ATF6: variants seen among roughly 807,000 people sequenced by gnomAD.
ATF6 encodes activating transcription factor 6.
A neutral mutation model predicts 83.6 loss-of-function variants in ATF6; 53 were observed. The observed-to-expected ratio is 0.63, with a 90% CI of 0.51 to 0.80. ATF6 has a LOEUF of 0.80. ATF6 is among the 30% of genes least tolerant of loss of function. The pLI, the probability that ATF6 is intolerant of heterozygous loss-of-function variation, is 0.00. For missense variants in ATF6, 744 were observed against 797.9 expected, an observed-to-expected ratio of 0.93 and a Z score of 0.81; for synonymous variants, 288 against 285.8, an observed-to-expected ratio of 1.01 and a Z score of -0.08.
intron 15 of ATF6, among the ~76,000 whole-genome samples, chr1:161,915,624 CTTT>C (rs201891219): frequency 6.9e-6 from 1 of 145,792 alleles, no homozygotes; most frequent in Non-Finnish European, 1.5e-5. Flanking sequence ...ATACAAATGT[CTTT>C]TTTTTTTTTT....
At chr1:161,905,863 G>A (rs997764735) in intron 14 of ATF6, among the ~76,000 whole-genome samples, 1 of 151,348 alleles carries the variant, frequency 6.6e-6, no homozygotes, top group Non-Finnish European at 1.5e-5. Flanking sequence ...ACGGAGTTTC[G>A]CCCTGTCGCC....
At chr1:161,882,893 T>G (rs899535393) in intron 14 of ATF6, among the ~76,000 whole-genome samples, 3 of 151,942 alleles carry the variant, frequency 2.0e-5, no homozygotes, top group African/African-American at 7.2e-5. Flanking sequence ...TAATAGGTAT[T>G]CAAGATATGT....
At position 161,961,921 on chromosome 1, in the gene ATF6, C is replaced by T. The variant is rs995508639; in HGVS notation, c.*3267C>T. 2 of 152,088 alleles carry T rather than the reference C, an allele frequency of 1.3e-5. No individual in the cohort carries two copies. The highest frequency in any genetic ancestry group is 6.5e-5 in the Admixed American group (1 of 15,268). 9.4% of individuals were successfully genotyped at this position (152,088 alleles called of 1,614,324 possible). ...TTGTCCCTTTGGGGTTGACTTATGCCCAGCAGTACAGGGACACAGCTTCAT... is the reference window on the plus strand; with the variant it reads ...TTGTCCCTTTGGGGTTGACTTATGCTCAGCAGTACAGGGACACAGCTTCAT... On this transcript the variant is annotated 3_prime_UTR_variant, in exon 16 of 16. Transcript: ENST00000367942.
At position 161,958,840 on chromosome 1, in the gene ATF6, C is replaced by A; in HGVS notation, c.*186C>A. The A allele has an allele frequency of 1.9e-6, 1 of 524,818 alleles. No individual in the cohort carries two copies. The allele number at this position is 524,818 out of a possible 1,614,324, so 32.5% of individuals were successfully genotyped here. A position where few individuals can be genotyped will look rare whatever the true frequency, so the allele number is the denominator to read the frequency against. On this transcript the variant is annotated 3_prime_UTR_variant, in exon 16 of 16. Coordinates refer to ENST00000367942, the MANE Select transcript of ATF6 (RefSeq NM_007348.4). Reference sequence around the variant, plus strand: ...ATCATCTACCCATCTATTTGGAAAGCACTGGAATTCAGATGCAAGAGAACA... The same window carrying A: ...ATCATCTACCCATCTATTTGGAAAGAACTGGAATTCAGATGCAAGAGAACA...
intron 7 of ATF6, among the ~76,000 whole-genome samples, chr1:161,806,791 T>C (rs1179183266): frequency 6.6e-6 from 1 of 152,184 alleles, no homozygotes; most frequent in Non-Finnish European, 1.5e-5. Flanking sequence ...CCTTTGCTAC[T>C]GGTTTGCAGG....
At chr1:161,874,279 A>C (rs1687167753) in intron 14 of ATF6, among the ~76,000 whole-genome samples, 1 of 151,614 alleles carries the variant, frequency 6.6e-6, no homozygotes, top group South Asian at 2.1e-4. Context: ...CTTATGTATA[A>C]GATGCCTGTT....
intron 6 of ATF6, among the ~76,000 whole-genome samples, chr1:161,800,107 AT>A (rs1685108654): frequency 6.6e-6 from 1 of 152,182 alleles, no homozygotes; most frequent in African/African-American, 2.4e-5. Context: ...GGCAAGTAAA[AT>A]TTTTAATAGA....
chr1:161,772,978 T>C (rs2101716084), intron 1 of ATF6, among the ~76,000 whole-genome samples: 1 of 147,430 alleles, frequency 6.8e-6, no homozygotes, highest in Admixed American at 6.8e-5. Flanking sequence ...TTTTTTTTTT[T>C]TTTTTTTGAG....
At chr1:161,942,141 A>G (rs563145251) in intron 15 of ATF6, among the ~76,000 whole-genome samples, 35 of 152,336 alleles carry the variant, frequency 2.3e-4, no homozygotes, top group Non-Finnish European at 4.7e-4. Context: ...TTGTATTAAC[A>G]GTAGAAACAC....
At chr1:161,783,152 A>G (rs1274923977) in intron 3 of ATF6, among the ~76,000 whole-genome samples, 3 of 152,206 alleles carry the variant, frequency 2.0e-5, no homozygotes, top group Non-Finnish European at 4.4e-5. Flanking sequence ...GGCTCCAAGT[A>G]TGAGTGTTCC....
At chr1:161,942,434 G>A (rs1688665486) in intron 15 of ATF6, among the ~76,000 whole-genome samples, 1 of 152,208 alleles carries the variant, frequency 6.6e-6, no homozygotes, top group African/African-American at 2.4e-5. Flanking sequence ...TGTGTTGCAT[G>A]TGATAGGTAC....
At chr1:161,948,365 C>T (rs973043058) in intron 15 of ATF6, among the ~76,000 whole-genome samples, 1 of 152,152 alleles carries the variant, frequency 6.6e-6, no homozygotes, top group Non-Finnish European at 1.5e-5. Context: ...TTTCTGATCA[C>T]TTCATTTGCA....
intron 9 of ATF6, among the ~76,000 whole-genome samples, chr1:161,845,026 G>A (rs1194546712): frequency 2.0e-5 from 3 of 152,184 alleles, no homozygotes; most frequent in African/African-American, 7.2e-5. Flanking sequence ...TTAATTGGTG[G>A]TACACCTTTG....
At chr1:161,811,486 C>T (rs759532899) in intron 7 of ATF6, among the ~76,000 whole-genome samples, 3 of 152,066 alleles carry the variant, frequency 2.0e-5, no homozygotes, top group Admixed American at 1.3e-4. Flanking sequence ...TGTGCTGACA[C>T]ATGTTAAACT....
chr1:161,863,130 A>G, intron 13 of ATF6, 68 bp from the exon 14 acceptor site: 1 of 873,028 alleles, frequency 1.1e-6, no homozygotes, highest in South Asian at 1.9e-5. Context: ...TAGCCTTAGA[A>G]TGGGAAGTAT....
intron 15 of ATF6, among the ~76,000 whole-genome samples, chr1:161,923,075 T>C (rs1368602972): frequency 1.3e-5 from 2 of 152,148 alleles, no homozygotes; most frequent in Non-Finnish European, 2.9e-5. Context: ...TGCAAAACTT[T>C]TGCTTTACTT....
intron 15 of ATF6, 132 bp from the exon 16 acceptor site, chr1:161,958,314 C>T: frequency 2.4e-6 from 2 of 831,910 alleles, no homozygotes; most frequent in Non-Finnish European, 3.6e-6. Context: ...CTGAGAGTCC[C>T]TCTGCACCCC....
intron 7 of ATF6, among the ~76,000 whole-genome samples, chr1:161,809,602 C>T (rs2101766749): frequency 6.6e-6 from 1 of 152,282 alleles, no homozygotes; most frequent in East Asian, 1.9e-4. Flanking sequence ...AGTTCTAGAT[C>T]CTTGAGGAAT....
intron 14 of ATF6, among the ~76,000 whole-genome samples, chr1:161,896,299 A>G (rs1040814267): frequency 9.9e-5 from 15 of 152,112 alleles, no homozygotes; most frequent in African/African-American, 3.4e-4. Flanking sequence ...GTTTCTTCAC[A>G]TTGGCCAGGC....
Sources: allele counts gnomAD v4.1 joint callset (sites outside exome capture counted in the v4.1 genomes callset), GRCh38; gene constraint gnomAD v4.1.1; transcripts MANE v1.5; gene names NCBI Gene and HGNC (gene_info 2026-07-23, HGNC 2026-07-21).